TOGARAM2: variants seen among roughly 807,000 people sequenced by gnomAD.
The protein encoded by TOGARAM2 is TOG array regulator of axonemal microtubules 2.
In TOGARAM2, 85 loss-of-function variants were observed where a neutral mutation model predicts 93.3. The ratio of observed to expected loss-of-function variants is 0.91; its 90% CI spans 0.76 to 1.09. The LOEUF (loss-of-function observed/expected upper bound fraction) is 1.09, where lower values mean the gene tolerates loss of function less well. TOGARAM2 is among the 50% of genes least tolerant of loss of function. The pLI is 0.00. For synonymous variants in TOGARAM2, 593 were observed against 552.8 expected (o/e 1.07, Z -1.02); for missense variants, 1,277 against 1,334.5 (o/e 0.96, Z 0.67).
chr2:28,998,630 T>C (rs1673118355), intron 3 of TOGARAM2, among the ~76,000 whole-genome samples: 1 of 152,186 alleles, frequency 6.6e-6, no homozygotes. Flanking sequence ...GCCAAGCTTC[T>C]GAGAGCCCAC....
At chr2:29,019,198 T>TTTA (rs70958236) in intron 10 of TOGARAM2, among the ~76,000 whole-genome samples, 1 of 143,670 alleles carries the variant, frequency 7.0e-6, no homozygotes, top group Non-Finnish European at 1.5e-5. Flanking sequence ...TTTTTTTTTT[T>TTTA]ATGACAGAGT....
intron 6 of TOGARAM2, among the ~76,000 whole-genome samples, chr2:29,009,666 TAGG>T (rs1014399719): frequency 1.3e-5 from 2 of 152,060 alleles, no homozygotes; most frequent in African/African-American, 4.8e-5. Flanking sequence ...AGACAGGGCA[TAGG>T]AGAAGAGGCA....
intron 6 of TOGARAM2, among the ~76,000 whole-genome samples, chr2:29,005,311 G>T (rs1385744769): frequency 9.4e-5 from 2 of 21,280 alleles, no homozygotes; most frequent in African/African-American, 2.0e-4. Flanking sequence ...TGTGTGTGGG[G>T]TATGTGTGCA....
chr2:29,036,487 G>T (rs1666116613), intron 17 of TOGARAM2, 54 bp from the exon 18 acceptor site: 3 of 1,580,218 alleles, frequency 1.9e-6, no homozygotes, highest in African/African-American at 1.4e-5. Context: ...TGCACTGTGG[G>T]AGTCCTGCCC....
chr2:29,041,393 G>T (rs959425797), intron 18 of TOGARAM2, among the ~76,000 whole-genome samples: 6 of 152,232 alleles, frequency 3.9e-5, no homozygotes, highest in African/African-American at 1.4e-4. Flanking sequence ...AAGTGAATCA[G>T]TCACAGTTTT....
At chr2:29,048,162 T>A (rs1051543062) in intron 19 of TOGARAM2, 1 of 152,100 alleles carries the variant, frequency 6.6e-6, no homozygotes, top group African/African-American at 2.4e-5. Flanking sequence ...TTCCCCCTTA[T>A]AACCTTTTAA....
At chr2:29,006,309 G>A (rs538955426) in intron 6 of TOGARAM2, among the ~76,000 whole-genome samples, 1,868 of 149,152 alleles carry the variant, frequency 0.013, 16 homozygotes, top group Middle Eastern at 0.058. Context: ...GTGTGTGAGT[G>A]CCTGTGTGTG....
At chr2:29,008,265 C>T (rs375358889) in intron 6 of TOGARAM2, among the ~76,000 whole-genome samples, 4 of 151,150 alleles carry the variant, frequency 2.6e-5, no homozygotes, top group Admixed American at 6.6e-5. Flanking sequence ...ATTCTTCTGT[C>T]GCAGCCTCCC....
chr2:28,964,956 G>A (rs1671848463), intron 1 of TOGARAM2, among the ~76,000 whole-genome samples: 1 of 152,148 alleles, frequency 6.6e-6, no homozygotes, highest in African/African-American at 2.4e-5. Flanking sequence ...ACATATGCGT[G>A]TATGTATCTT....
At chr2:29,010,377 G>A (rs576391892) in intron 6 of TOGARAM2, among the ~76,000 whole-genome samples, 110 of 152,144 alleles carry the variant, frequency 7.2e-4, no homozygotes, top group Non-Finnish European at 1.2e-3. Context: ...CTCCCTGTGG[G>A]TCCAGACCCA....
intron 19 of TOGARAM2, chr2:29,050,011 A>G (rs1481257598): frequency 1.3e-5 from 2 of 152,156 alleles, no homozygotes; most frequent in Non-Finnish European, 2.9e-5. Flanking sequence ...AGGGGAAGGT[A>G]TCCTAGGGGA....
intron 4 of TOGARAM2, among the ~76,000 whole-genome samples, chr2:29,001,113 T>C (rs1025516622): frequency 6.6e-6 from 1 of 152,064 alleles, no homozygotes; most frequent in Non-Finnish European, 1.5e-5. Flanking sequence ...GCCCCTGCAT[T>C]GAGGCTGAGT....
chr2:28,995,921 G>A (rs745420424), intron 2 of TOGARAM2, among the ~76,000 whole-genome samples: 6 of 152,192 alleles, frequency 3.9e-5, no homozygotes, highest in Admixed American at 6.5e-5. Context: ...AGCCAGGAGG[G>A]TGTGGGACCC....
At chr2:29,012,443 G>C (rs1331345064) in intron 7 of TOGARAM2, among the ~76,000 whole-genome samples, 3 of 152,188 alleles carry the variant, frequency 2.0e-5, no homozygotes, top group African/African-American at 7.2e-5. Flanking sequence ...GGCTGCAGCA[G>C]GGTGAGCTCA....
At chr2:29,029,965 C>CA (rs888729769) in intron 14 of TOGARAM2, among the ~76,000 whole-genome samples, 1 of 152,198 alleles carries the variant, frequency 6.6e-6, no homozygotes. Context: ...AAAATTAAAA[C>CA]AAAAACAGGC....
Position 28,963,058 on chromosome 2 carries a change from G to A in TOGARAM2, c.-147+6361G>A, listed in dbSNP as rs1235460441. Among the ~76,000 whole-genome samples, 4 of 151,806 alleles carry A rather than the reference G, an allele frequency of 2.6e-5. No homozygotes were observed. The East Asian group carries it at 7.8e-4, about 30-fold the overall frequency. On this transcript the variant is annotated intron_variant, in intron 1 of 6. Coordinates refer to the TOGARAM2 transcript ENST00000401723. ...GCCCAGGCTAGTCTTGAACTCCTGG[G>A]CTCACGTGATCTTCCCACCTCAGCC...
intron 6 of TOGARAM2, among the ~76,000 whole-genome samples, chr2:29,006,034 G>C (rs1405908053): frequency 7.3e-6 from 1 of 136,310 alleles, no homozygotes; most frequent in Non-Finnish European, 1.6e-5. Context: ...CCATATGTAT[G>C]TGAGTGCATG....
chr2:28,999,150 G>A, intron 3 of TOGARAM2, 31 bp from the exon 4 acceptor site: 1 of 1,578,080 alleles, frequency 6.3e-7, no homozygotes, highest in East Asian at 2.2e-5. Flanking sequence ...GGTACTGCGT[G>A]CCAAGCCATT....
intron 6 of TOGARAM2, among the ~76,000 whole-genome samples, chr2:29,006,271 ATATGTGTGCATG>A (rs1387511183): frequency 2.4e-5 from 3 of 123,506 alleles, no homozygotes; most frequent in South Asian, 2.8e-4. Context: ...TGTGGAGTGT[ATATGTGTGCATG>A]TATGTGTGCA....
Sources: allele counts gnomAD v4.1 joint callset (sites outside exome capture counted in the v4.1 genomes callset), GRCh38; gene constraint gnomAD v4.1.1; transcripts MANE v1.5; gene names NCBI Gene and HGNC (gene_info 2026-07-23, HGNC 2026-07-21).